PTCSC3: variants seen among roughly 807,000 people sequenced by gnomAD.
The protein encoded by PTCSC3 is papillary thyroid carcinoma susceptibility candidate 3.
intron 3 of PTCSC3, among the ~76,000 whole-genome samples, chr14:36,144,206 G>A (rs1881499135): frequency 6.6e-6 from 1 of 150,636 alleles, no homozygotes; most frequent in Non-Finnish European, 1.5e-5. Context: ...AAAGGCATTG[G>A]TAGCTTGATG....
intron 1 of PTCSC3, among the ~76,000 whole-genome samples, chr14:36,172,199 T>TA (rs1364474863): frequency 6.6e-6 from 1 of 152,144 alleles, no homozygotes; most frequent in East Asian, 1.9e-4. Flanking sequence ...GTTGGACATG[T>TA]AAATATATTA....
intron 2 of PTCSC3, among the ~76,000 whole-genome samples, chr14:36,154,168 C>CAAAT (rs977488410): frequency 3.3e-5 from 5 of 151,828 alleles, no homozygotes; most frequent in African/African-American, 1.2e-4. Flanking sequence ...AACACAGGCA[C>CAAAT]AAATAGTCAA....
chr14:36,139,472 T>G (rs555800987), intron 3 of PTCSC3, among the ~76,000 whole-genome samples: 12 of 149,424 alleles, frequency 8.0e-5, no homozygotes, highest in African/African-American at 2.7e-4. Flanking sequence ...TGTGTCTCAT[T>G]ATACTGTTTT....
intron 3 of PTCSC3, among the ~76,000 whole-genome samples, chr14:36,139,533 C>A (rs921820508): frequency 6.6e-6 from 1 of 152,062 alleles, no homozygotes; most frequent in Non-Finnish European, 1.5e-5. Flanking sequence ...ATTATGAGAG[C>A]CTCCCAGCTT....
intron 1 of PTCSC3, among the ~76,000 whole-genome samples, chr14:36,171,492 ATTG>A (rs1882192247): frequency 6.6e-6 from 1 of 152,126 alleles, no homozygotes; most frequent in Non-Finnish European, 1.5e-5. Context: ...AAACATCATT[ATTG>A]TTCTTCTCAC....
At chr14:36,164,722 C>A (rs958906213) in intron 1 of PTCSC3, among the ~76,000 whole-genome samples, 1 of 152,214 alleles carries the variant, frequency 6.6e-6, no homozygotes, top group Non-Finnish European at 1.5e-5. Context: ...GTCCCCATCC[C>A]TTTACATTGT....
chr14:36,147,056 T>A (rs561911147), intron 3 of PTCSC3, among the ~76,000 whole-genome samples: 2 of 152,338 alleles, frequency 1.3e-5, no homozygotes, highest in East Asian at 3.9e-4. Flanking sequence ...GGGCTTCCCT[T>A]TGTGGGTAAT....
At chr14:36,158,027 T>C (rs1881867603) in intron 2 of PTCSC3, among the ~76,000 whole-genome samples, 1 of 152,208 alleles carries the variant, frequency 6.6e-6, no homozygotes, top group Admixed American at 6.5e-5. Flanking sequence ...CAATGGCAAA[T>C]GGGAGTTCAC....
chr14:36,169,925 C>T (rs1882162948), intron 1 of PTCSC3, among the ~76,000 whole-genome samples: 1 of 152,098 alleles, frequency 6.6e-6, no homozygotes, highest in Admixed American at 6.6e-5. Context: ...ACTTATGGTA[C>T]TATGTATTAA....
At chr14:36,150,473 A>C (rs1428776348) in intron 3 of PTCSC3, among the ~76,000 whole-genome samples, 1 of 152,134 alleles carries the variant, frequency 6.6e-6, no homozygotes. Flanking sequence ...TAAGAAATAA[A>C]CTTCTGTTTT....
At chr14:36,169,282 T>C (rs1164829916) in intron 1 of PTCSC3, among the ~76,000 whole-genome samples, 3 of 152,126 alleles carry the variant, frequency 2.0e-5, no homozygotes. Context: ...TAAGAATAGC[T>C]CTCAAAGTTC....
intron 1 of PTCSC3, among the ~76,000 whole-genome samples, chr14:36,173,504 T>A: frequency 6.6e-6 from 1 of 152,044 alleles, no homozygotes; most frequent in South Asian, 2.1e-4. Flanking sequence ...TAAAAAACTT[T>A]TAGCTAACTC....
chr14:36,137,801 A>T lies in PTCSC3; in HGVS notation n.323-1445T>A, dbSNP rs184983172. On this transcript the variant is annotated intron_variant and non_coding_transcript_variant, in intron 3 of 3. Coordinates refer to ENST00000556013, the Ensembl canonical transcript of PTCSC3. ...ATGGTGGGGGAAGTATGGGGAATTA[A>T]TACTTATATCTTAATATGTGGAATT... 1.2e-3 allele frequency among the ~76,000 whole-genome samples: 181 copies of T among 152,334 alleles called. 1 individual carries two copies. The highest frequency in any genetic ancestry group is 0.01 in the Middle Eastern group (3 of 294).
At chr14:36,150,095 G>A (rs1881688331) in intron 3 of PTCSC3, among the ~76,000 whole-genome samples, 1 of 152,066 alleles carries the variant, frequency 6.6e-6, no homozygotes, top group Non-Finnish European at 1.5e-5. Context: ...TTATTGTTGG[G>A]TCTTGTTTTC....
chr14:36,152,572 C>T (rs1320516221), intron 3 of PTCSC3, among the ~76,000 whole-genome samples: 1 of 152,062 alleles, frequency 6.6e-6, no homozygotes, highest in African/African-American at 2.4e-5. Flanking sequence ...TGTCAAAGGG[C>T]TTGTATTCAG....
At chr14:36,154,483 C>T (rs2139100351) in intron 2 of PTCSC3, among the ~76,000 whole-genome samples, 1 of 152,218 alleles carries the variant, frequency 6.6e-6, no homozygotes, top group Admixed American at 6.5e-5. Context: ...TTGTATTTTT[C>T]AAATTTACTT....
In PTCSC3 at chr14:36,148,829, C is replaced by T. The variant is rs181223188; in HGVS notation, n.322+4975G>A. Reference sequence around the variant, plus strand: ...TGGGCATAGAGTTGTTTAAAATAGTCTTTATTATCCTTTTATTGGCCATGG... The same window carrying T: ...TGGGCATAGAGTTGTTTAAAATAGTTTTTATTATCCTTTTATTGGCCATGG... On this transcript the variant is annotated intron_variant and non_coding_transcript_variant, in intron 3 of 3. Coordinates refer to ENST00000556013, the Ensembl canonical transcript of PTCSC3. Among the ~76,000 whole-genome samples, 157 of 152,230 alleles carry T rather than the reference C, an allele frequency of 1.0e-3. 2 individuals carry two copies. The highest frequency in any genetic ancestry group is 3.5e-3 in the African/African-American group (145 of 41,536).
At chr14:36,167,039 T>C (rs1213572984) in intron 1 of PTCSC3, among the ~76,000 whole-genome samples, 2 of 152,188 alleles carry the variant, frequency 1.3e-5, no homozygotes, top group African/African-American at 4.8e-5. Context: ...TTTCTCTCTC[T>C]GGGATAGAAT....
chr14:36,149,928 G>A (rs1050829713), intron 3 of PTCSC3, among the ~76,000 whole-genome samples: 2 of 152,080 alleles, frequency 1.3e-5, no homozygotes, highest in African/African-American at 4.8e-5. Flanking sequence ...TGGAATATTT[G>A]TATTATATTT....
Sources: allele counts gnomAD v4.1 joint callset (sites outside exome capture counted in the v4.1 genomes callset), GRCh38; gene constraint gnomAD v4.1.1; transcripts MANE v1.5; gene names NCBI Gene and HGNC (gene_info 2026-07-23, HGNC 2026-07-21).